The following FSTL5 variants were observed in gnomAD, a reference collection of about 807,000 sequenced individuals.
The protein encoded by FSTL5 is follistatin-related protein 5.
Under a neutral mutation model 89.1 loss-of-function variants are expected in FSTL5, and 62 were observed. The ratio of observed to expected loss-of-function variants is 0.70; its 90% CI spans 0.57 to 0.86. The LOEUF (loss-of-function observed/expected upper bound fraction) is 0.86. FSTL5 is among the 40% of genes least tolerant of loss of function. The pLI, the probability that FSTL5 is intolerant of heterozygous loss-of-function variation, is 0.00. For synonymous variants in FSTL5, 383 were observed against 346.2 expected, an observed-to-expected ratio of 1.11 and a Z score of -1.18; for missense variants, 1,057 against 1,001.6, an observed-to-expected ratio of 1.06 and a Z score of -0.75.
At chr4:161,664,032 A>T (rs4577528) in intron 6 of FSTL5, among the ~76,000 whole-genome samples, 151,128 of 152,294 alleles carry the variant, frequency 0.99, 74,995 homozygotes, top group Middle Eastern at 1. Flanking sequence ...ACACAGAGCA[A>T]CAAGTCCCTA....
intron 10 of FSTL5, among the ~76,000 whole-genome samples, chr4:161,525,434 G>A (rs1431718076): frequency 1.3e-5 from 2 of 152,232 alleles, no homozygotes; most frequent in East Asian, 3.9e-4. Context: ...TAAGTCAGAG[G>A]TAATACTCCG....
At chr4:161,840,938 T>C (rs945122846) in intron 4 of FSTL5, among the ~76,000 whole-genome samples, 3 of 152,234 alleles carry the variant, frequency 2.0e-5, no homozygotes, top group Admixed American at 6.5e-5. Flanking sequence ...ACAGACAGAA[T>C]ATGAATTAGA....
chr4:161,792,854 A>T (rs1323786527), intron 4 of FSTL5, among the ~76,000 whole-genome samples: 1 of 152,124 alleles, frequency 6.6e-6, no homozygotes, highest in Non-Finnish European at 1.5e-5. Flanking sequence ...CACCAAATGG[A>T]GGGACTTAAA....
intron 4 of FSTL5, among the ~76,000 whole-genome samples, chr4:161,828,136 G>C (rs1031405339): frequency 6.6e-6 from 1 of 152,204 alleles, no homozygotes; most frequent in African/African-American, 2.4e-5. Context: ...GGCACTTCCT[G>C]TCGGGTCTTC....
chr4:161,489,107 G>C (rs1173065411), intron 12 of FSTL5, among the ~76,000 whole-genome samples: 1 of 152,090 alleles, frequency 6.6e-6, no homozygotes, highest in Non-Finnish European at 1.5e-5. Flanking sequence ...GATGAGAAAA[G>C]CTGGTTTAAA....
chr4:161,783,749 T>G (rs1376316168), intron 4 of FSTL5, among the ~76,000 whole-genome samples: 1 of 116,100 alleles, frequency 8.6e-6, no homozygotes, highest in East Asian at 2.5e-4. Flanking sequence ...TCTTTCTTTC[T>G]TTCTTTCTTT....
At chr4:162,053,434 C>T (rs904055629) in intron 2 of FSTL5, among the ~76,000 whole-genome samples, 1 of 151,718 alleles carries the variant, frequency 6.6e-6, no homozygotes, top group Admixed American at 6.6e-5. Flanking sequence ...GTCCTAGACT[C>T]ATGCCTCACA....
At chr4:161,550,901 A>G (rs1732184610) in intron 8 of FSTL5, among the ~76,000 whole-genome samples, 1 of 151,874 alleles carries the variant, frequency 6.6e-6, no homozygotes, top group Non-Finnish European at 1.5e-5. Context: ...TGTCCCTACA[A>G]AGGACACGAA....
At chr4:161,619,477 C>A (rs1411289757) in intron 7 of FSTL5, among the ~76,000 whole-genome samples, 1 of 152,134 alleles carries the variant, frequency 6.6e-6, no homozygotes, top group Non-Finnish European at 1.5e-5. Context: ...CTACAATGAA[C>A]TCAAATAAAT....
chr4:161,665,281 A>C (rs6841774), intron 6 of FSTL5, among the ~76,000 whole-genome samples: 97,037 of 151,946 alleles, frequency 0.64, 31,054 homozygotes, highest in East Asian at 0.72. Flanking sequence ...TCACTCCTTC[A>C]CCCAGGCTGG....
chr4:161,889,044 C>A (rs2110744241), intron 4 of FSTL5, among the ~76,000 whole-genome samples: 1 of 151,990 alleles, frequency 6.6e-6, no homozygotes, highest in African/African-American at 2.4e-5. Context: ...GACATACATA[C>A]AAAATATATA....
chr4:161,770,681 G>A (rs1196257235), intron 5 of FSTL5, among the ~76,000 whole-genome samples: 1 of 150,792 alleles, frequency 6.6e-6, no homozygotes, highest in Non-Finnish European at 1.5e-5. Context: ...TAATTTTATG[G>A]GCAAGAAAAA....
chr4:161,733,585 A>G (rs1739690017), intron 6 of FSTL5, among the ~76,000 whole-genome samples: 1 of 152,042 alleles, frequency 6.6e-6, no homozygotes, highest in African/African-American at 2.4e-5. Context: ...TCAGTCGTAG[A>G]AAGAAAGTAT....
At chr4:161,411,588 A>C (rs936731335) in intron 15 of FSTL5, among the ~76,000 whole-genome samples, 1 of 152,238 alleles carries the variant, frequency 6.6e-6, no homozygotes, top group Non-Finnish European at 1.5e-5. Flanking sequence ...CAGAAACCAT[A>C]TGATCAGCTC....
chr4:161,919,482 G>A (rs1470139), intron 4 of FSTL5, among the ~76,000 whole-genome samples: 135,939 of 152,204 alleles, frequency 0.89, 61,327 homozygotes, highest in Non-Finnish European at 0.96. Flanking sequence ...CTTAATAGGT[G>A]GATGAGTGGA....
In FSTL5 at chr4:161,705,975, T is replaced by TTG. The variant is rs1738561915; in HGVS notation, c.728-49482_728-49481insCA. On this transcript the variant is annotated intron_variant, in intron 6 of 15. Transcript: ENST00000306100. ...GTGTATATATATATATATATATATA[T>TTG]ATATATATATATATATATATACACA... is the stretch of plus-strand genomic sequence containing the variant. 2.2e-5 allele frequency among the ~76,000 whole-genome samples: 2 copies of TTG among 89,294 alleles called. 1 individual carries two copies. Among genetic ancestry groups the TTG allele is most frequent in the Non-Finnish European group, 4.4e-5 (2 of 45,296 alleles). 58.6% of individuals were successfully genotyped at this position (89,294 alleles called of 152,430 possible).
intron 6 of FSTL5, among the ~76,000 whole-genome samples, chr4:161,687,964 TG>T (rs1334510684): frequency 1.3e-5 from 2 of 152,310 alleles, no homozygotes; most frequent in East Asian, 3.9e-4. Context: ...CTCTGCCATG[TG>T]TAGACACAGT....
At chr4:161,857,074 A>AT (rs1171337680) in intron 4 of FSTL5, among the ~76,000 whole-genome samples, 1 of 152,196 alleles carries the variant, frequency 6.6e-6, no homozygotes, top group Non-Finnish European at 1.5e-5. Flanking sequence ...CTGGAAAGCC[A>AT]TACATTGGGA....
intron 4 of FSTL5, among the ~76,000 whole-genome samples, chr4:161,910,332 C>T (rs1293976145): frequency 6.6e-6 from 1 of 152,140 alleles, no homozygotes; most frequent in East Asian, 1.9e-4. Context: ...TATACAGTCC[C>T]TTGGCATTTT....
Sources: gnomAD v4.1 joint callset for allele counts (sites outside exome capture counted in the v4.1 genomes callset) on GRCh38, gnomAD v4.1.1 for gene constraint, MANE v1.5 for transcripts, NCBI Gene and HGNC (gene_info 2026-07-23, HGNC 2026-07-21) for gene names.